Variants in GPR149 observed in about 807,000 individuals in gnomAD.
GPR149 encodes the protein G protein-coupled receptor 149.
GPR149 carries 50 observed loss-of-function variants against 50.2 expected under a neutral mutation model. The observed-to-expected ratio is 1.00, with a 90% confidence interval of 0.79 to 1.26. The LOEUF is 1.26. Among genes scored for constraint, GPR149 ranks in the 50% most tolerant of loss-of-function variants. GPR149 has a pLI of 0.00. For synonymous variants in GPR149, 405 were observed against 358.2 expected, an observed-to-expected ratio of 1.13 and a Z score of -1.48; for missense variants, 983 against 895.4, an observed-to-expected ratio of 1.10 and a Z score of -1.25.
At chr3:154,397,855 T>C (rs78553870) in intron 3 of GPR149, among the ~76,000 whole-genome samples, 12,953 of 152,226 alleles carry the variant, frequency 0.085, 690 homozygotes, top group East Asian at 0.22. Context: ...ATTTTTATCT[T>C]ACTCATTAGT....
intron 3 of GPR149, among the ~76,000 whole-genome samples, chr3:154,348,815 A>G (rs1048924360): frequency 5.3e-5 from 8 of 152,144 alleles, no homozygotes; most frequent in African/African-American, 1.2e-4. Context: ...CCATCCAACA[A>G]CAACAGAATA....
intron 2 of GPR149, among the ~76,000 whole-genome samples, chr3:154,422,930 T>G (rs1415140140): frequency 6.6e-6 from 1 of 151,864 alleles, no homozygotes; most frequent in African/African-American, 2.4e-5. Context: ...AGATATAAAG[T>G]GACAAATTGT....
intron 3 of GPR149, among the ~76,000 whole-genome samples, chr3:154,383,347 AG>A (rs563186399): frequency 1.3e-5 from 2 of 152,156 alleles, no homozygotes; most frequent in Non-Finnish European, 2.9e-5. Context: ...AATCATGGGC[AG>A]TTCCATTAAA....
chr3:154,426,502 A>G (rs1259999093), intron 2 of GPR149, among the ~76,000 whole-genome samples: 1 of 152,224 alleles, frequency 6.6e-6, no homozygotes. Context: ...TACTCTGAGC[A>G]AAGGACAATT....
At chr3:154,373,786 C>A (rs923407556) in intron 3 of GPR149, among the ~76,000 whole-genome samples, 1 of 152,174 alleles carries the variant, frequency 6.6e-6, no homozygotes, top group Non-Finnish European at 1.5e-5. Context: ...TACCTCAAAT[C>A]TTCTGCACCA....
In GPR149 at chr3:154,338,055, T is replaced by C. The variant is rs1290431355; in HGVS notation, c.1840A>G (p.Ser614Gly). ...AGAACCTCCAAGTGTATTTTCACAC[T>C]GGTGTCCACAAACGTGGATGAAGAA... ...EDSSSTFVDTSVKIHLEVLEI... is the reference protein window; with the variant it reads ...EDSSSTFVDTGVKIHLEVLEI... Residue 614 changes from serine to glycine, a missense_variant, in exon 4 of 4, where the codon AGT (serine) becomes GGT (glycine). By Grantham distance (56) the Ser-to-Gly change is moderately conservative. Coordinates refer to ENST00000389740, the MANE Select transcript of GPR149 (RefSeq NM_001038705.3). 6.2e-7 allele frequency: 1 copy of C among 1,614,200 alleles called. No individual in the cohort carries two copies.
rs752410142 is a variant in GPR149, at chr3:154,427,693, G to C, written c.997C>G (p.Gln333Glu). ...AGGCTCTGAAACCCCACGACGTTCT[G>C]GACCACCATGTGCATCTGCAAGGGC... The part of the protein sequence containing the change: ...WLPMMMHMVV[Q>E]NVVGFQSLPL... Residue 333 changes from glutamine (Q) to glutamate (E), a missense_variant, in exon 2 of 4, where the codon CAG becomes GAG. Gln to Glu is a conservative substitution (Grantham distance 29, BLOSUM62 2). Transcript: ENST00000389740. 13 of 1,612,488 alleles carry C rather than the reference G, an allele frequency of 8.1e-6. No individual in the cohort carries two copies. The highest frequency in any genetic ancestry group is 1.1e-5 in the Non-Finnish European group (13 of 1,179,176).
chr3:154,408,503 G>C (rs867180115), intron 3 of GPR149, among the ~76,000 whole-genome samples: 50 of 152,288 alleles, frequency 3.3e-4, no homozygotes, highest in African/African-American at 9.9e-4. Context: ...AGTGAGATGG[G>C]CCTCTAGGAC....
At chr3:154,341,564 A>G (rs1261567744) in intron 3 of GPR149, among the ~76,000 whole-genome samples, 1 of 151,800 alleles carries the variant, frequency 6.6e-6, no homozygotes, top group African/African-American at 2.4e-5. Context: ...CCTTATGAAG[A>G]AAAAACAGCA....
At chr3:154,389,788 A>T (rs907344162) in intron 3 of GPR149, among the ~76,000 whole-genome samples, 49 of 152,206 alleles carry the variant, frequency 3.2e-4, no homozygotes, top group African/African-American at 1.2e-3. Context: ...TATTATAGCT[A>T]CCTGGGAGCT....
Position 154,428,665 on chromosome 3 carries a change from A to C in GPR149, c.951T>G (p.Leu317=). 10 of 1,612,172 alleles carry C rather than the reference A, an allele frequency of 6.2e-6. No homozygotes were observed. The highest frequency in any genetic ancestry group is 8.5e-6 in the Non-Finnish European group (10 of 1,179,454). The change falls in exon 1 of 4, where the codon CTT becomes CTG. Residue 317 remains leucine (L), a synonymous_variant. Coordinates refer to ENST00000389740, the MANE Select transcript of GPR149 (RefSeq NM_001038705.3). ...AQKRFALILA[L]TKVVLWLPMM... is the part of the protein sequence containing the mutation. ...TGGGCAGCCAAAGGACGACTTTTGT[A>C]AGCGCTAGGATCAAAGCGAAGCGCT...
chr3:154,385,327 C>T (rs1407964787), intron 3 of GPR149, among the ~76,000 whole-genome samples: 2 of 152,108 alleles, frequency 1.3e-5, no homozygotes, highest in Non-Finnish European at 2.9e-5. Flanking sequence ...TTTTTTGTAC[C>T]GGTTGTGAAC....
intron 3 of GPR149, among the ~76,000 whole-genome samples, chr3:154,370,495 G>A (rs1384584788): frequency 6.6e-6 from 1 of 152,096 alleles, no homozygotes; most frequent in Non-Finnish European, 1.5e-5. Context: ...AAAACAAACT[G>A]TCCCCTCGCC....
chr3:154,416,816 A>G (rs1003812228), intron 3 of GPR149, among the ~76,000 whole-genome samples: 1 of 151,904 alleles, frequency 6.6e-6, no homozygotes, highest in Non-Finnish European at 1.5e-5. Flanking sequence ...ATATTTCAGA[A>G]TCTGTTTTTA....
intron 3 of GPR149, among the ~76,000 whole-genome samples, chr3:154,398,098 C>T (rs976723577): frequency 2.0e-5 from 3 of 152,152 alleles, no homozygotes; most frequent in African/African-American, 4.8e-5. Flanking sequence ...TACACATACA[C>T]ATTTTCCCCA....
At chr3:154,339,709 T>C (rs1713742452) in intron 3 of GPR149, among the ~76,000 whole-genome samples, 1 of 151,978 alleles carries the variant, frequency 6.6e-6, no homozygotes, top group African/African-American at 2.4e-5. Context: ...GAGAACAGTT[T>C]AGATTATTTT....
At chr3:154,414,402 A>C (rs1201726084) in intron 3 of GPR149, among the ~76,000 whole-genome samples, 1 of 152,064 alleles carries the variant, frequency 6.6e-6, no homozygotes, top group Non-Finnish European at 1.5e-5. Flanking sequence ...ATATACAAAG[A>C]ATGAAACCAA....
intron 3 of GPR149, among the ~76,000 whole-genome samples, chr3:154,390,750 A>T (rs891579277): frequency 6.6e-6 from 1 of 152,140 alleles, no homozygotes; most frequent in African/African-American, 2.4e-5. Context: ...ACCCAAAGAA[A>T]TTCACAGTGA....
intron 3 of GPR149, among the ~76,000 whole-genome samples, chr3:154,361,903 C>G (rs1172469915): frequency 6.6e-6 from 1 of 152,066 alleles, no homozygotes; most frequent in Non-Finnish European, 1.5e-5. Context: ...ACAAGCAGAG[C>G]TTATTAAAAA....
Sources: allele counts gnomAD v4.1 joint callset (sites outside exome capture counted in the v4.1 genomes callset), GRCh38; gene constraint gnomAD v4.1.1; transcripts MANE v1.5; gene names NCBI Gene and HGNC (gene_info 2026-07-23, HGNC 2026-07-21).